Variants in NPAS3 observed in about 807,000 individuals in gnomAD.
The protein encoded by NPAS3 is neuronal PAS domain-containing protein 3.
In NPAS3, 14 loss-of-function variants were observed where a neutral mutation model predicts 73.1. That is an observed-to-expected ratio of 0.19 (90% confidence interval 0.13 to 0.30). The LOEUF (loss-of-function observed/expected upper bound fraction) is 0.30, where lower values mean the gene tolerates loss of function less well. NPAS3 is among the 10% of genes least tolerant of loss of function. The pLI is 1.00. For missense variants in NPAS3, 1,096 were observed against 1,250.0 expected, an observed-to-expected ratio of 0.88 and a Z score of 1.86; for synonymous variants, 620 against 541.5, an observed-to-expected ratio of 1.14 and a Z score of -2.01.
intron 2 of NPAS3, among the ~76,000 whole-genome samples, chr14:33,107,735 G>A (rs1359783999): frequency 1.3e-5 from 2 of 152,088 alleles, no homozygotes; most frequent in African/African-American, 4.8e-5. Flanking sequence ...CAAAATGATA[G>A]AAGTTTAAAA....
intron 5 of NPAS3, among the ~76,000 whole-genome samples, chr14:33,647,365 T>G (rs894681374): frequency 6.6e-6 from 1 of 152,048 alleles, no homozygotes; most frequent in African/African-American, 2.4e-5. Flanking sequence ...TTTAGTAATA[T>G]TTTTGACCAG....
At position 33,193,611 on chromosome 14, in the gene NPAS3, C is replaced by T. The variant is rs184190077; in HGVS notation, c.141-21571C>T. 2.6e-5 allele frequency among the ~76,000 whole-genome samples: 4 copies of T among 152,266 alleles called. No homozygotes were observed. In the East Asian group the frequency reaches 7.7e-4, roughly 29 times the overall value. Reference sequence around the variant, plus strand: ...TATTTAATGACAAGATAATGTCCTACTTATTTTAAGATTATTTTATAGGCT... The same window carrying T: ...TATTTAATGACAAGATAATGTCCTATTTATTTTAAGATTATTTTATAGGCT... On this transcript the variant is annotated intron_variant, in intron 2 of 11. Coordinates refer to ENST00000356141, the Ensembl canonical transcript of NPAS3.
Position 33,090,793 on chromosome 14 carries a change from A to T in NPAS3, c.140+34799A>T, listed in dbSNP as rs562795334. Among the ~76,000 whole-genome samples the T allele has an allele frequency of 1.9e-4, 29 of 152,236 alleles. 1 individual carries two copies. Among genetic ancestry groups the T allele is most frequent in the Admixed American group, 1.8e-3 (28 of 15,288 alleles). On this transcript the variant is annotated intron_variant, in intron 2 of 11. Transcript: ENST00000356141. ...TGTAAAAGAACAGAAATTATAACAA[A>T]CTCTCTCAGACCACTGTGCCATCAA...
chr14:33,528,863 C>G (rs1250019022), intron 4 of NPAS3, among the ~76,000 whole-genome samples: 1 of 152,062 alleles, frequency 6.6e-6, no homozygotes, highest in Non-Finnish European at 1.5e-5. Context: ...TCACGTGTCA[C>G]ATCATTTAAT....
rs1218088237 is a variant in NPAS3, at chr14:33,627,906, C to A, written c.559-48305C>A. ...ATGTCCAAATAGCCATGTAAATAAA[C>A]CCTCAAGAAAATCTCTTATCAGCAG... On this transcript the variant is annotated intron_variant, in intron 5 of 11. Coordinates refer to ENST00000356141, the Ensembl canonical transcript of NPAS3. Among the ~76,000 whole-genome samples, 3 of 152,150 alleles carry A rather than the reference C, an allele frequency of 2.0e-5. No individual in the cohort carries two copies. In the East Asian group the frequency reaches 5.8e-4, roughly 29 times the overall value.
At chr14:33,527,307 G>A (rs966161663) in intron 4 of NPAS3, among the ~76,000 whole-genome samples, 3 of 152,164 alleles carry the variant, frequency 2.0e-5, no homozygotes, top group African/African-American at 7.2e-5. Context: ...CACTTACCTT[G>A]TGATGTCGTT....
rs776528700 is a variant in NPAS3, at chr14:33,800,407, G to GGGTGGC, written c.2109_2114dup (p.Gly705_Gly706dup). On this transcript the variant is annotated inframe_insertion, in exon 12 of 12. Coordinates refer to ENST00000356141, the Ensembl canonical transcript of NPAS3. The surrounding 1 kb of genome is among the most constrained non-coding windows in gnomAD (Gnocchi z 6.5). ...CGTCCCCGCAGGGCGGCGGCGGTGG[G>GGGTGGC]GGTGGCGGTGGCGGGGGGCTGCACG... 95 of 1,601,156 alleles carry GGGTGGC rather than the reference G, an allele frequency of 5.9e-5. No homozygotes were observed. The Middle Eastern group carries it at 6.9e-4, about 12-fold the overall frequency.
intron 4 of NPAS3, among the ~76,000 whole-genome samples, chr14:33,397,526 A>G (rs896364774): frequency 3.9e-5 from 6 of 152,080 alleles, no homozygotes; most frequent in African/African-American, 4.8e-5. Flanking sequence ...TATTACACCA[A>G]TGCTTTATTC....
intron 6 of NPAS3, among the ~76,000 whole-genome samples, chr14:33,730,137 C>A (rs2061365154): frequency 6.6e-6 from 1 of 152,120 alleles, no homozygotes; most frequent in Non-Finnish European, 1.5e-5. Flanking sequence ...AGGAGCCACA[C>A]TAAGTGCTAT....
chr14:33,161,168 G>C (rs925460492), intron 2 of NPAS3, among the ~76,000 whole-genome samples: 2 of 152,162 alleles, frequency 1.3e-5, no homozygotes, highest in African/African-American at 4.8e-5. Flanking sequence ...AAAGTCTAAA[G>C]GCATCTACCC....
chr14:33,558,972 G>A (rs760623918), intron 4 of NPAS3, among the ~76,000 whole-genome samples: 16 of 151,958 alleles, frequency 1.1e-4, no homozygotes, highest in South Asian at 2.1e-4. Flanking sequence ...ATGACAGAGG[G>A]TGTAGGATGC....
intron 3 of NPAS3, among the ~76,000 whole-genome samples, chr14:33,224,589 A>C (rs1356807514): frequency 6.6e-6 from 1 of 152,108 alleles, no homozygotes; most frequent in African/African-American, 2.4e-5. Context: ...TCAGTTACAG[A>C]GTTGGAACTA....
At chr14:33,232,279 G>T (rs1166745489) in intron 3 of NPAS3, among the ~76,000 whole-genome samples, 9 of 152,174 alleles carry the variant, frequency 5.9e-5, no homozygotes, top group Non-Finnish European at 1.5e-5. Context: ...AAGAGTGTGG[G>T]TGCTTTGGAC....
At chr14:33,754,720 C>A (rs2062062955) in intron 7 of NPAS3, among the ~76,000 whole-genome samples, 1 of 152,106 alleles carries the variant, frequency 6.6e-6, no homozygotes, top group Non-Finnish European at 1.5e-5. Flanking sequence ...ACCACAAAAT[C>A]TTTCAAGATT....
intron 5 of NPAS3, among the ~76,000 whole-genome samples, chr14:33,639,580 G>A (rs549370844): frequency 6.6e-6 from 1 of 152,244 alleles, no homozygotes; most frequent in African/African-American, 2.4e-5. Context: ...TCAGGAGTGT[G>A]ACCCTTTCTT....
chr14:32,938,248 G>C (rs1288628142), upstream of NPAS3, among the ~76,000 whole-genome samples: 2 of 152,092 alleles, frequency 1.3e-5, no homozygotes, highest in Admixed American at 6.5e-5. Flanking sequence ...GCTTGGGCCA[G>C]CGCACCCCCC....
At chr14:32,934,947 C>A, upstream of NPAS3, 1 of 1,245,068 alleles carries the variant, frequency 8.0e-7, no homozygotes, top group Non-Finnish European at 1.0e-6. This position sits in a 1 kb window ranked among gnomAD's most constrained non-coding sequence, Gnocchi z 4.1. Flanking sequence ...GGAGGGCCGG[C>A]GCCGCGGCCA....
chr14:33,761,575 C>T lies in NPAS3; in HGVS notation c.853-12762C>T, dbSNP rs560572921. On this transcript the variant is annotated intron_variant, in intron 7 of 11. Coordinates refer to ENST00000356141, the Ensembl canonical transcript of NPAS3. ...GTTTCAGGAGAAATCTTACTTAGCA[C>T]GACTGTGAAAATGGAACAATCTTTT... Among the ~76,000 whole-genome samples the T allele has an allele frequency of 5.9e-5, 9 of 151,448 alleles. No individual in the cohort carries two copies. In the South Asian group the frequency reaches 8.4e-4, roughly 14 times the overall value.
intron 3 of NPAS3, among the ~76,000 whole-genome samples, chr14:33,278,398 C>T (rs780855156): frequency 6.6e-6 from 1 of 151,742 alleles, no homozygotes; most frequent in Non-Finnish European, 1.5e-5. Flanking sequence ...GAAAGGATCT[C>T]TAGACCTGCC....
Sources: gnomAD v4.1 joint callset for allele counts (sites outside exome capture counted in the v4.1 genomes callset) on GRCh38, gnomAD v4.1.1 for gene constraint, Gnocchi (gnomAD v3.1) non-coding constraint, MANE v1.5 for transcripts, NCBI Gene and HGNC (gene_info 2026-07-23, HGNC 2026-07-21) for gene names.